Variants in KCNQ5 observed in about 807,000 individuals in gnomAD.
The protein encoded by KCNQ5 is potassium voltage-gated channel subfamily Q member 5, also known as potassium voltage-gated channel subfamily KQT member 5.
KCNQ5 carries 30 observed loss-of-function variants against 98.2 expected under a neutral mutation model. The ratio of observed to expected loss-of-function variants is 0.31; its 90% CI spans 0.23 to 0.41. The LOEUF (loss-of-function observed/expected upper bound fraction) is 0.41, where lower values mean the gene tolerates loss of function less well. Ranked by LOEUF, KCNQ5 falls within the 10% of genes least tolerant of loss-of-function variation. The probability of loss-of-function intolerance (pLI) is 1.00; values close to 1 mark genes in which losing one functional copy is unlikely to be tolerated. For missense variants in KCNQ5, 835 were observed against 1,182.5 expected (o/e 0.71, Z 4.31); for synonymous variants, 458 against 449.4 (o/e 1.02, Z -0.24).
intron 1 of KCNQ5, among the ~76,000 whole-genome samples, chr6:72,707,148 G>A (rs756224962): frequency 6.6e-6 from 1 of 152,132 alleles, no homozygotes; most frequent in African/African-American, 2.4e-5. Context: ...TTGGCTATGC[G>A]TGCATATTCA....
intron 1 of KCNQ5, among the ~76,000 whole-genome samples, chr6:72,936,537 G>C (rs1028349390): frequency 6.6e-6 from 1 of 152,074 alleles, no homozygotes; most frequent in Non-Finnish European, 1.5e-5. Flanking sequence ...TAAGTGAGGG[G>C]TTTTCCTAAA....
Position 72,838,272 on chromosome 6 carries a change from C to T in KCNQ5, c.399-165636C>T, listed in dbSNP as rs538918781. Among the ~76,000 whole-genome samples, 31 of 151,980 alleles carry T rather than the reference C, an allele frequency of 2.0e-4. No individual in the cohort carries two copies. The South Asian group carries it at 6.5e-3, about 32-fold the overall frequency. On this transcript the variant is annotated intron_variant, in intron 1 of 13. Coordinates refer to ENST00000370398, the MANE Select transcript of KCNQ5 (RefSeq NM_019842.4). ...TATTGATTGAATACTTCCTTTGCTT[C>T]TTGTGCAGTGTGCTAGAAAGTTGTC...
rs58607159 is a variant in KCNQ5, at chr6:73,025,623, C to CAAAAAAAAAAAA, written c.490-16288_490-16277dup. Among the ~76,000 whole-genome samples the CAAAAAAAAAAAA allele has an allele frequency of 5.3e-4, 28 of 53,006 alleles. 1 individual carries two copies. Among genetic ancestry groups the CAAAAAAAAAAAA allele is most frequent in the East Asian group, 2.0e-3 (4 of 1,980 alleles). The allele number at this position is 53,006 out of a possible 152,430, so 34.8% of individuals were successfully genotyped here. A position where few individuals can be genotyped will look rare whatever the true frequency, so the allele number is the denominator to read the frequency against. ...GGGCGACAAGAGCAAAACTCCATCT[C>CAAAAAAAAAAAA]AAAAAAAAAAAAAAAAAAAAAAAAA... On this transcript the variant is annotated intron_variant, in intron 2 of 13. Coordinates refer to ENST00000370398, the MANE Select transcript of KCNQ5 (RefSeq NM_019842.4).
At chr6:72,876,434 A>G (rs1778412120) in intron 1 of KCNQ5, among the ~76,000 whole-genome samples, 1 of 152,196 alleles carries the variant, frequency 6.6e-6, no homozygotes. Flanking sequence ...CATAAAAACA[A>G]TAAAATCTTC....
chr6:73,069,012 A>G (rs905711558), intron 3 of KCNQ5, among the ~76,000 whole-genome samples: 1 of 152,226 alleles, frequency 6.6e-6, no homozygotes, highest in African/African-American at 2.4e-5. Flanking sequence ...CTGCCTTGCC[A>G]ACATTGACAA....
At position 72,838,411 on chromosome 6, in the gene KCNQ5, C is replaced by T. The variant is rs372322435; in HGVS notation, c.399-165497C>T. 2.1e-4 allele frequency among the ~76,000 whole-genome samples: 32 copies of T among 152,194 alleles called. No individual in the cohort carries two copies. In the East Asian group the frequency reaches 4.3e-3, roughly 20 times the overall value. ...TCACAGATATTCCCTACCATCTTTG[C>T]TGTGTCTAATGTATATAAAACATAA... On this transcript the variant is annotated intron_variant, in intron 1 of 13. Coordinates refer to ENST00000370398, the MANE Select transcript of KCNQ5 (RefSeq NM_019842.4).
chr6:72,631,389 T>C lies in KCNQ5; in HGVS notation c.398+8802T>C, dbSNP rs1170003906. On this transcript the variant is annotated intron_variant, in intron 1 of 13. Coordinates refer to ENST00000370398, the MANE Select transcript of KCNQ5 (RefSeq NM_019842.4). ...AAATCTGGAGAATACCAACATTTAA[T>C]TGATAAGCAAAGGAAACAAGGAATG... 9.2e-5 allele frequency among the ~76,000 whole-genome samples: 14 copies of C among 152,098 alleles called. 1 individual carries two copies. The highest frequency in any genetic ancestry group is 9.2e-4 in the Admixed American group (14 of 15,268).
At chr6:72,827,211 A>T (rs2150119992) in intron 1 of KCNQ5, among the ~76,000 whole-genome samples, 1 of 152,174 alleles carries the variant, frequency 6.6e-6, no homozygotes, top group East Asian at 1.9e-4. Flanking sequence ...TTTTTGATAC[A>T]ATGACTTTCT....
chr6:72,941,188 A>T (rs1439135220), intron 1 of KCNQ5, among the ~76,000 whole-genome samples: 3 of 151,698 alleles, frequency 2.0e-5, no homozygotes. Context: ...TTTTAAATTT[A>T]TTTTTCTGTT....
chr6:72,684,884 G>A lies in KCNQ5; in HGVS notation c.398+62297G>A, dbSNP rs186156556. Reference sequence around the variant, plus strand: ...TTTCTGTGTGTGTGTATGCGTGTGTGTCTGTCTGTGTATTTCTGAGGCCCC... The same window carrying A: ...TTTCTGTGTGTGTGTATGCGTGTGTATCTGTCTGTGTATTTCTGAGGCCCC... On this transcript the variant is annotated intron_variant, in intron 1 of 13. Transcript: ENST00000370398. Among the ~76,000 whole-genome samples the A allele has an allele frequency of 7.2e-5, 11 of 152,208 alleles. No individual in the cohort carries two copies. In the East Asian group the frequency reaches 2.1e-3, roughly 29 times the overall value.
In KCNQ5 at chr6:72,821,986, G is replaced by A. The variant is rs944970636; in HGVS notation, c.399-181922G>A. ...CCTGAACGGCCCTATCTTATCCTTCGTGCATCCTCTCTGTGACTCTCAGAA... is the reference window on the plus strand; with the variant it reads ...CCTGAACGGCCCTATCTTATCCTTCATGCATCCTCTCTGTGACTCTCAGAA... On this transcript the variant is annotated intron_variant, in intron 1 of 13. Coordinates refer to ENST00000370398, the MANE Select transcript of KCNQ5 (RefSeq NM_019842.4). 4.6e-5 allele frequency among the ~76,000 whole-genome samples: 7 copies of A among 152,168 alleles called. No individual in the cohort carries two copies. In the East Asian group the frequency reaches 5.8e-4, roughly 13 times the overall value.
intron 1 of KCNQ5, among the ~76,000 whole-genome samples, chr6:72,917,790 T>C (rs1449713357): frequency 6.6e-6 from 1 of 152,034 alleles, no homozygotes; most frequent in African/African-American, 2.4e-5. Context: ...CTTTTCATAA[T>C]GTGTTTTGCC....
At chr6:73,070,989 G>T (rs1465097134) in intron 3 of KCNQ5, among the ~76,000 whole-genome samples, 1 of 152,030 alleles carries the variant, frequency 6.6e-6, no homozygotes, top group Non-Finnish European at 1.5e-5. Context: ...TTATAATCTT[G>T]GTTGGACAAA....
chr6:72,859,863 T>G (rs573879253), intron 1 of KCNQ5, among the ~76,000 whole-genome samples: 13 of 152,266 alleles, frequency 8.5e-5, no homozygotes, highest in Non-Finnish European at 1.2e-4. Context: ...ATGCTAGGAT[T>G]ACAGGTGTGA....
intron 11 of KCNQ5, among the ~76,000 whole-genome samples, chr6:73,186,597 A>AGATAATTAG (rs1439847412): frequency 1.3e-5 from 2 of 152,218 alleles, no homozygotes; most frequent in African/African-American, 4.8e-5. Flanking sequence ...GAGCAATATT[A>AGATAATTAG]CATTATTAGA....
chr6:73,174,611 G>C (rs1465974169), intron 11 of KCNQ5, among the ~76,000 whole-genome samples: 1 of 152,116 alleles, frequency 6.6e-6, no homozygotes, highest in Admixed American at 6.5e-5. Flanking sequence ...ACTTTACACT[G>C]GTACCATTGG....
chr6:73,015,302 A>G (rs1034057198), intron 2 of KCNQ5, among the ~76,000 whole-genome samples: 2 of 152,108 alleles, frequency 1.3e-5, no homozygotes, highest in Non-Finnish European at 2.9e-5. Flanking sequence ...AAAATGATTC[A>G]CAGAGACTAA....
chr6:72,930,039 C>A (rs571007235), intron 1 of KCNQ5, among the ~76,000 whole-genome samples: 2 of 152,130 alleles, frequency 1.3e-5, no homozygotes, highest in South Asian at 4.2e-4. Flanking sequence ...CCTTTTCTTA[C>A]ATTTGATGTT....
At chr6:72,802,653 C>T (rs1217530732) in intron 1 of KCNQ5, among the ~76,000 whole-genome samples, 1 of 152,094 alleles carries the variant, frequency 6.6e-6, no homozygotes, top group African/African-American at 2.4e-5. Context: ...GCTTTTTGCA[C>T]ATTTCTGAAT....
Sources: gnomAD v4.1 joint callset for allele counts (sites outside exome capture counted in the v4.1 genomes callset) on GRCh38, gnomAD v4.1.1 for gene constraint, MANE v1.5 for transcripts, NCBI Gene and HGNC (gene_info 2026-07-23, HGNC 2026-07-21) for gene names.